NIPAL2: variants seen among roughly 807,000 people sequenced by gnomAD.
NIPAL2 encodes the protein NIPA like domain containing 2.
NIPAL2 carries 43 observed loss-of-function variants against 48.9 expected under a neutral mutation model. That is an observed-to-expected ratio of 0.88 (90% CI 0.69 to 1.13). The LOEUF (loss-of-function observed/expected upper bound fraction) is 1.13, where lower values mean the gene tolerates loss of function less well. Ranked by LOEUF, NIPAL2 falls within the 50% of genes most tolerant of loss-of-function variation. The pLI is 0.00. For missense variants in NIPAL2, 446 were observed against 461.4 expected, an observed-to-expected ratio of 0.97 and a Z score of 0.31; for synonymous variants, 167 against 174.6, an observed-to-expected ratio of 0.96 and a Z score of 0.34.
chr8:98,294,184 C>G lies in NIPAL2; in HGVS notation c.-47G>C. 2 of 1,294,984 alleles carry G rather than the reference C, an allele frequency of 1.5e-6. No homozygotes were observed. Among genetic ancestry groups the G allele is most frequent in the Non-Finnish European group, 2.0e-6 (2 of 1,023,404 alleles). 80.2% of individuals were successfully genotyped at this position (1,294,984 alleles called of 1,614,324 possible). A position where few individuals can be genotyped will look rare whatever the true frequency, so the allele number is the denominator to read the frequency against. ...GGGCTCCGGCTCGGGCTGCGGCCGC[C>G]TCCCCGCCCTGTTGCACCGCGAGGA... On this transcript the variant is annotated 5_prime_UTR_variant, in exon 1 of 11. Transcript: ENST00000430223.
chr8:98,242,256 T>C (rs1264656806), intron 3 of NIPAL2, among the ~76,000 whole-genome samples: 1 of 150,842 alleles, frequency 6.6e-6, no homozygotes, highest in Non-Finnish European at 1.5e-5. Context: ...CATGGCTCGC[T>C]GCAGCCTCGA....
chr8:98,232,780 T>C (rs12550682), intron 4 of NIPAL2, among the ~76,000 whole-genome samples: 58,639 of 152,006 alleles, frequency 0.39, 12,783 homozygotes, highest in South Asian at 0.52. Flanking sequence ...AGATTGCCAT[T>C]GTTAGGATAC....
intron 1 of NIPAL2, among the ~76,000 whole-genome samples, chr8:98,288,740 G>C (rs546748536): frequency 5.5e-4 from 84 of 152,190 alleles, no homozygotes; most frequent in Non-Finnish European, 1.1e-3. Context: ...ATTCTAACTG[G>C]TGTGAGATGG....
At chr8:98,241,991 AT>A (rs1206149693) in intron 3 of NIPAL2, among the ~76,000 whole-genome samples, 4 of 152,216 alleles carry the variant, frequency 2.6e-5, no homozygotes, top group East Asian at 1.9e-4. Context: ...CATTAAAAAA[AT>A]AAAAGGTGAA....
chr8:98,222,420 A>G (rs989297721), intron 5 of NIPAL2, 59 bp downstream of exon 5: 65 of 1,544,500 alleles, frequency 4.2e-5, no homozygotes, highest in Non-Finnish European at 5.5e-5. Flanking sequence ...TAATATCTGC[A>G]TGGACCAGTG....
At chr8:98,263,590 A>C (rs929994522) in intron 1 of NIPAL2, among the ~76,000 whole-genome samples, 13 of 149,046 alleles carry the variant, frequency 8.7e-5, no homozygotes, top group African/African-American at 2.5e-4. Flanking sequence ...AAGAAGTTGA[A>C]TCTCTGAATA....
rs568464494 is a variant in NIPAL2 at position 98,242,488 on chromosome 8, A to ATT, written c.377-6276_377-6275dup. On this transcript the variant is annotated intron_variant, in intron 3 of 10. Transcript: ENST00000430223. ...AGGCAAAAGCCACTGCACCTGACAGATTTTTTTTTTTTTTTTTTTAACTGA... is the reference window on the plus strand; with the variant it reads ...AGGCAAAAGCCACTGCACCTGACAGATTTTTTTTTTTTTTTTTTTTTAACTGA... 1.7e-3 allele frequency among the ~76,000 whole-genome samples: 196 copies of ATT among 117,776 alleles called. 4 individuals are homozygous for ATT. Among genetic ancestry groups the ATT allele is most frequent in the African/African-American group, 5.1e-3 (154 of 30,324 alleles). The allele number at this position is 117,776 out of a possible 152,430, so 77.3% of individuals were successfully genotyped here.
chr8:98,293,922 G>C (rs1436379161), intron 1 of NIPAL2, 81 bp downstream of exon 1: 6 of 1,261,940 alleles, frequency 4.8e-6, no homozygotes, highest in Admixed American at 4.2e-5. Flanking sequence ...GCAGGAAAGC[G>C]GCCGAGGCGC....
intron 1 of NIPAL2, among the ~76,000 whole-genome samples, chr8:98,262,177 C>T (rs1814385439): frequency 6.7e-6 from 1 of 149,722 alleles, no homozygotes; most frequent in African/African-American, 2.5e-5. Context: ...CAAAATCATG[C>T]CAAAATGTAA....
chr8:98,280,761 T>TAGAGAGAGAGAGAGAGAGAGAGAG (rs1554578553), intron 1 of NIPAL2, among the ~76,000 whole-genome samples: 3 of 30,026 alleles, frequency 1.0e-4, no homozygotes, highest in South Asian at 1.5e-3. Flanking sequence ...TATATATATA[T>TAGAGAGAGAGAGAGAGAGAGAGAG]AGAGAGAGAG....
intron 6 of NIPAL2, among the ~76,000 whole-genome samples, chr8:98,206,672 C>T (rs1275774062): frequency 6.6e-6 from 1 of 151,138 alleles, no homozygotes; most frequent in Non-Finnish European, 1.5e-5. Flanking sequence ...CCTGTATTCC[C>T]AGCTACTCGG....
At chr8:98,199,990 G>A (rs986836870) in intron 8 of NIPAL2, among the ~76,000 whole-genome samples, 10 of 151,740 alleles carry the variant, frequency 6.6e-5, no homozygotes, top group African/African-American at 9.7e-5. Context: ...GTCCTGCTCC[G>A]TCACCCAGGC....
At chr8:98,208,885 C>T (rs1183876259) in intron 6 of NIPAL2, among the ~76,000 whole-genome samples, 1 of 152,136 alleles carries the variant, frequency 6.6e-6, no homozygotes, top group East Asian at 1.9e-4. Context: ...CAAGCAATAT[C>T]ATGTACTTTG....
intron 6 of NIPAL2, among the ~76,000 whole-genome samples, chr8:98,205,477 TG>T (rs200558599): frequency 3.5e-4 from 51 of 147,168 alleles, no homozygotes; most frequent in Non-Finnish European, 4.3e-4. Flanking sequence ...TGTGACTGTG[TG>T]TTTTTTTTTT....
intron 7 of NIPAL2, 43 bp downstream of exon 7, chr8:98,205,068 C>A: frequency 1.2e-6 from 2 of 1,601,402 alleles, no homozygotes; most frequent in Non-Finnish European, 1.7e-6. Context: ...CAGAGAAGCA[C>A]CGGAATGTTG....
intron 1 of NIPAL2, among the ~76,000 whole-genome samples, chr8:98,257,297 C>A (rs1200820417): frequency 6.7e-6 from 1 of 150,348 alleles, no homozygotes; most frequent in Non-Finnish European, 1.5e-5. Flanking sequence ...AGATAGCAGG[C>A]CCTGAAAGGA....
intron 1 of NIPAL2, among the ~76,000 whole-genome samples, chr8:98,287,998 T>C (rs1042067464): frequency 3.9e-5 from 6 of 152,214 alleles, no homozygotes; most frequent in East Asian, 1.9e-4. Context: ...GCAAGTTGAA[T>C]AGTCATAGCA....
At chr8:98,206,506 G>A (rs1381546973) in intron 6 of NIPAL2, among the ~76,000 whole-genome samples, 6 of 151,958 alleles carry the variant, frequency 3.9e-5, no homozygotes, top group Non-Finnish European at 8.8e-5. Context: ...ATCATAATTG[G>A]CCGGGCGCGG....
intron 1 of NIPAL2, among the ~76,000 whole-genome samples, chr8:98,258,999 C>T (rs750532806): frequency 1.4e-4 from 21 of 150,676 alleles, no homozygotes; most frequent in Admixed American, 3.3e-4. Context: ...ACCAAATACA[C>T]AGGCCACAAA....
Sources: allele counts gnomAD v4.1 joint callset (sites outside exome capture counted in the v4.1 genomes callset), GRCh38; gene constraint gnomAD v4.1.1; transcripts MANE v1.5; gene names NCBI Gene and HGNC (gene_info 2026-07-23, HGNC 2026-07-21).